Variants in SEMA4D observed in about 807,000 individuals in gnomAD.
The protein encoded by SEMA4D is semaphorin-4D.
SEMA4D carries 22 observed loss-of-function variants against 74.8 expected under a neutral mutation model. That is an observed-to-expected ratio of 0.29 (90% CI 0.21 to 0.42). The LOEUF is 0.42. Ranked by LOEUF, SEMA4D falls within the 10% of genes least tolerant of loss-of-function variation. The pLI is 1.00. For missense variants in SEMA4D, 937 were observed against 1,118.4 expected (o/e 0.84, Z 2.31); for synonymous variants, 445 against 463.7 (o/e 0.96, Z 0.52).
intron 1 of SEMA4D, among the ~76,000 whole-genome samples, chr9:89,482,155 A>G (rs1418234249): frequency 6.6e-6 from 1 of 152,224 alleles, no homozygotes; most frequent in Non-Finnish European, 1.5e-5. Flanking sequence ...ACCAGCTCAC[A>G]GCGGTCAGAG....
chr9:89,484,838 G>A lies in SEMA4D; in HGVS notation c.-310+13081C>T, dbSNP rs1480169037. On this transcript the variant is annotated intron_variant, in intron 1 of 15. Coordinates refer to ENST00000422704, the MANE Select transcript of SEMA4D (RefSeq NM_001371194.2). This position sits in a 1 kb window ranked among gnomAD's most constrained non-coding sequence, Gnocchi z 4.1. ...TGTGTGGTGTGTGGATGTATTGTGT[G>A]GTGTGTGTGTAATGTGTGTATACTG... 6.6e-6 allele frequency among the ~76,000 whole-genome samples: 1 copy of A among 150,760 alleles called. No homozygotes were observed. The highest frequency in any genetic ancestry group is 1.5e-5 in the Non-Finnish European group (1 of 67,590).
intron 2 of SEMA4D, among the ~76,000 whole-genome samples, chr9:89,412,045 C>T (rs1844647605): frequency 6.6e-6 from 1 of 152,128 alleles, no homozygotes; most frequent in South Asian, 2.1e-4. Context: ...GTGGCTGGCT[C>T]CATCCCACAG....
chr9:89,426,627 A>AC (rs1848169070), intron 2 of SEMA4D, among the ~76,000 whole-genome samples: 1 of 152,066 alleles, frequency 6.6e-6, no homozygotes, highest in Non-Finnish European at 1.5e-5. Context: ...CTCAGTACTG[A>AC]CCTTAAATGC....
intron 2 of SEMA4D, among the ~76,000 whole-genome samples, chr9:89,414,692 T>C (rs1339241982): frequency 6.6e-6 from 1 of 152,192 alleles, no homozygotes; most frequent in East Asian, 1.9e-4. Context: ...AGTTTATTGT[T>C]CCAACTTCAG....
chr9:89,413,101 C>T (rs1564683247), intron 2 of SEMA4D, among the ~76,000 whole-genome samples: 1 of 152,214 alleles, frequency 6.6e-6, no homozygotes, highest in Non-Finnish European at 1.5e-5. Context: ...TATGCATGTG[C>T]ATTTTGCCCT....
chr9:89,380,235 G>A (rs780110531), intron 15 of SEMA4D, among the ~76,000 whole-genome samples: 7 of 152,074 alleles, frequency 4.6e-5, no homozygotes, highest in African/African-American at 7.2e-5. Context: ...GTCTCACCAC[G>A]TTGCCCAGGG....
chr9:89,444,667 C>G (rs750372528), intron 2 of SEMA4D, among the ~76,000 whole-genome samples: 1 of 151,994 alleles, frequency 6.6e-6, no homozygotes, highest in East Asian at 1.9e-4. Context: ...TAGACACGTT[C>G]AAGAGTTTAA....
intron 1 of SEMA4D, among the ~76,000 whole-genome samples, chr9:89,457,119 C>T (rs1484050951): frequency 6.6e-6 from 1 of 152,130 alleles, no homozygotes; most frequent in Non-Finnish European, 1.5e-5. Context: ...AAGAAACAAA[C>T]TGAAGCAGGA....
intron 2 of SEMA4D, among the ~76,000 whole-genome samples, chr9:89,443,446 G>A (rs921930330): frequency 1.3e-5 from 2 of 152,214 alleles, no homozygotes; most frequent in Admixed American, 6.5e-5. Flanking sequence ...TGTTGTCCCT[G>A]CAGAGTGGAG....
intron 5 of SEMA4D, among the ~76,000 whole-genome samples, chr9:89,397,819 T>G (rs1841328161): frequency 6.6e-6 from 1 of 152,208 alleles, no homozygotes; most frequent in South Asian, 2.1e-4. Context: ...TGCCTTTAAC[T>G]CAGCTTGTCT....
intron 1 of SEMA4D, among the ~76,000 whole-genome samples, chr9:89,478,832 G>A (rs1000435392): frequency 7.8e-6 from 1 of 127,600 alleles, no homozygotes; most frequent in African/African-American, 3.0e-5. Context: ...TTTTGTTCCT[G>A]TCACTGCTGC....
chr9:89,370,418 TTG>T lies in SEMA4D; in HGVS notation c.1882+6413_1882+6414del, dbSNP rs1323734352. Among the ~76,000 whole-genome samples, 2 of 145,280 alleles carry T rather than the reference TTG, an allele frequency of 1.4e-5. 1 individual carries two copies. Among genetic ancestry groups the T allele is most frequent in the East Asian group, 4.2e-4 (2 of 4,772 alleles). ...GTGGCGTGTGGTGTGTGTGGTGTGT[TTG>T]TGGTGTGTGGCTGGTGTGTGGTGTG... On this transcript the variant is annotated intron_variant, in intron 16 of 18. Transcript: ENST00000339861.
chr9:89,362,963 C>T (rs990963492), intron 18 of SEMA4D, among the ~76,000 whole-genome samples: 1 of 152,196 alleles, frequency 6.6e-6, no homozygotes, highest in African/African-American at 2.4e-5. Flanking sequence ...CATGCTGTAG[C>T]CCAGTTCCTG....
chr9:89,402,342 G>A (rs1251291665), intron 4 of SEMA4D, among the ~76,000 whole-genome samples: 1 of 152,184 alleles, frequency 6.6e-6, no homozygotes, highest in African/African-American at 2.4e-5. Context: ...GCAATGGATT[G>A]GGACAGCGTG....
chr9:89,369,935 G>A (rs1213333876), intron 16 of SEMA4D, among the ~76,000 whole-genome samples: 6 of 151,812 alleles, frequency 4.0e-5, no homozygotes, highest in African/African-American at 1.2e-4. Flanking sequence ...GCGTGCATGT[G>A]TCTATGTGGT....
chr9:89,472,416 T>C (rs1457944822), intron 1 of SEMA4D: 2 of 314,176 alleles, frequency 6.4e-6, no homozygotes, highest in African/African-American at 4.4e-5. Flanking sequence ...GAACAATTTA[T>C]GAAAGCCAAA....
chr9:89,408,033 T>C (rs1456921832), intron 2 of SEMA4D, among the ~76,000 whole-genome samples: 1 of 152,170 alleles, frequency 6.6e-6, no homozygotes, highest in African/African-American at 2.4e-5. Flanking sequence ...CTCAATAAAT[T>C]ATAGGTTCAG....
In SEMA4D at chr9:89,405,680, T is replaced by C. The variant is rs1587641831; in HGVS notation, c.-224A>G. ...ATGTCAAAGCCCACTTGATACTTCT[T>C]CAGGGCCTCAGAAGAAATGCTGGAA... On this transcript the variant is annotated 5_prime_UTR_variant, in exon 3 of 16. Transcript: ENST00000422704. 3.6e-6 allele frequency: 5 copies of C among 1,406,956 alleles called. No homozygotes were observed. The highest frequency in any genetic ancestry group is 3.0e-5 in the Admixed American group (1 of 33,544). 87.2% of individuals were successfully genotyped at this position (1,406,956 alleles called of 1,614,324 possible). A position where few individuals can be genotyped will look rare whatever the true frequency, so the allele number is the denominator to read the frequency against.
At chr9:89,455,448 C>T (rs1391390920) in intron 2 of SEMA4D, among the ~76,000 whole-genome samples, 2 of 152,168 alleles carry the variant, frequency 1.3e-5, no homozygotes, top group East Asian at 1.9e-4. Flanking sequence ...CCCCTAGGGT[C>T]GGGTGAAAGA....
Sources: gnomAD v4.1 joint callset for allele counts (sites outside exome capture counted in the v4.1 genomes callset) on GRCh38, gnomAD v4.1.1 for gene constraint, Gnocchi (gnomAD v3.1) non-coding constraint, MANE v1.5 for transcripts, NCBI Gene and HGNC (gene_info 2026-07-23, HGNC 2026-07-21) for gene names.